The following INSC variants were observed in gnomAD, a reference collection of about 807,000 sequenced individuals.
The protein encoded by INSC is protein inscuteable homolog.
Under a neutral mutation model 58.6 loss-of-function variants are expected in INSC, and 67 were observed. That is an observed-to-expected ratio of 1.14 (90% CI 0.94 to 1.40). The LOEUF (loss-of-function observed/expected upper bound fraction) is 1.40, where lower values mean the gene tolerates loss of function less well. Among genes scored for constraint, INSC ranks in the 40% most tolerant of loss-of-function variants. The probability of loss-of-function intolerance (pLI) is 0.00; values close to 1 mark genes in which losing one functional copy is unlikely to be tolerated. For missense variants in INSC, 714 were observed against 692.0 expected (o/e 1.03, Z -0.36); for synonymous variants, 262 against 276.1 (o/e 0.95, Z 0.51).
At chr11:15,243,224 C>G (rs1005079547) in intron 12 of INSC, among the ~76,000 whole-genome samples, 2 of 152,130 alleles carry the variant, frequency 1.3e-5, no homozygotes, top group Non-Finnish European at 2.9e-5. Flanking sequence ...TGGTGAGATT[C>G]ACTTGGAGCC....
intron 2 of INSC, among the ~76,000 whole-genome samples, chr11:15,166,412 A>C (rs984881587): frequency 6.6e-6 from 1 of 152,164 alleles, no homozygotes; most frequent in Non-Finnish European, 1.5e-5. Context: ...CTTTATTATC[A>C]TACTTTTTGT....
At position 15,149,181 on chromosome 11, in the gene INSC, G is replaced by A; in HGVS notation, c.7G>A (p.Ala3Thr). The A allele has an allele frequency of 1.2e-6, 2 of 1,611,010 alleles. No individual in the cohort carries two copies. The highest frequency in any genetic ancestry group is 1.7e-6 in the Non-Finnish European group (2 of 1,178,738). The change falls in exon 2 of 13, where the codon GCA (alanine) becomes ACA (threonine). Residue 3 changes from alanine (A) to threonine (T), a missense_variant. Ala to Thr is a moderately conservative substitution (Grantham distance 58, BLOSUM62 0). Transcript: ENST00000379556. ...GCTGCAGATTGGGATCAACATGATG[G>A]CACTGCCTGGAGGTCGCCACCTGGA... Reference protein sequence around the residue: MMALPGGRHLDSV... With the variant: MMTLPGGRHLDSV...
chr11:15,112,421 AG>A (rs756397905), upstream of INSC: 101 of 1,481,894 alleles, frequency 6.8e-5, no homozygotes, highest in Admixed American at 2.0e-5. Context: ...AGCTGTTCAC[AG>A]GGGCCTCTGT....
intron 11 of INSC, among the ~76,000 whole-genome samples, chr11:15,239,615 T>C (rs926599857): frequency 7.2e-5 from 11 of 152,182 alleles, no homozygotes; most frequent in African/African-American, 2.7e-4. Context: ...ACACTGGATA[T>C]GACATTGTCC....
intron 7 of INSC, among the ~76,000 whole-genome samples, chr11:15,211,982 A>T (rs945710660): frequency 1.3e-5 from 2 of 152,046 alleles, no homozygotes; most frequent in African/African-American, 4.8e-5. Context: ...CTTTAAGATT[A>T]TCTTGGTAAT....
At chr11:15,266,623 GTTGTAGTTGTACCCAAGA>G in the INSC span, among the ~76,000 whole-genome samples, 14 of 152,014 alleles carry the variant, frequency 9.2e-5, no homozygotes, top group East Asian at 1.7e-3. Flanking sequence ...TTTGGTAGAA[GTTGTAGTTGTACCCAAGA>G]TTGTAGTTGT....
At position 15,164,119 on chromosome 11, in the gene INSC, G is replaced by T. The variant is rs532209466; in HGVS notation, c.57-11622G>T. 2.9e-3 allele frequency among the ~76,000 whole-genome samples: 417 copies of T among 145,362 alleles called. 2 individuals carry two copies. The highest frequency in any genetic ancestry group is 8.9e-3 in the African/African-American group (357 of 39,978). On this transcript the variant is annotated intron_variant, in intron 2 of 12. Coordinates refer to ENST00000379556, the MANE Select transcript of INSC (RefSeq NM_001042536.3). ...AAAATTTTAAGCTTATTTTGTTATAGTCTTATCTGTTTTAAGAGTACATTT... is the reference window on the plus strand; with the variant it reads ...AAAATTTTAAGCTTATTTTGTTATATTCTTATCTGTTTTAAGAGTACATTT...
At chr11:15,158,130 A>G (rs990225883) in intron 2 of INSC, among the ~76,000 whole-genome samples, 1 of 151,908 alleles carries the variant, frequency 6.6e-6, no homozygotes, top group African/African-American at 2.4e-5. Flanking sequence ...TTTTATAACT[A>G]TCATTTCCCA....
chr11:15,221,475 A>G lies in INSC; in HGVS notation c.820-2A>G, dbSNP rs2133931619. 1 of 1,604,178 alleles carries G rather than the reference A, an allele frequency of 6.2e-7. No homozygotes were observed. The highest frequency in any genetic ancestry group is 2.2e-5 in the East Asian group (1 of 44,686). ...AGGGGAGCTCCCTCTCTCCATCTGC[A>G]GGTGGATGGCGTTCTGTGCTTGGCC... On this transcript the variant is annotated splice_acceptor_variant, in intron 7 of 12. Coordinates refer to ENST00000379556, the MANE Select transcript of INSC (RefSeq NM_001042536.3). LOFTEE classifies it high-confidence loss of function.
chr11:15,176,045 T>A lies in INSC; in HGVS notation c.361T>A (p.Tyr121Asn). ...TCHARSMVSE[Y>N]SAVSRNSLKE... is the part of the protein sequence containing the mutation. ...CCATGCCCGCTCCATGGTCAGCGAG[T>A]ACAGTGCTGTCAGCAGGAACTCCTT... Residue 121 changes from tyrosine to asparagine, a missense_variant, in exon 3 of 13, where the codon TAC (tyrosine) becomes AAC (asparagine). Physicochemically the swap from Tyr to Asn is moderately radical, Grantham distance 143. Transcript: ENST00000379556. 3 of 1,559,202 alleles carry A rather than the reference T, an allele frequency of 1.9e-6. No homozygotes were observed. The highest frequency in any genetic ancestry group is 2.6e-6 in the Non-Finnish European group (3 of 1,146,196).
chr11:15,113,626 T>C (rs1207239077), upstream of INSC, among the ~76,000 whole-genome samples: 3 of 152,154 alleles, frequency 2.0e-5, no homozygotes, highest in African/African-American at 7.2e-5. Context: ...GAGGCCCCTC[T>C]CAGGGAACTT....
chr11:15,259,309 G>A, the INSC span, among the ~76,000 whole-genome samples: 12 of 152,102 alleles, frequency 7.9e-5, no homozygotes, highest in African/African-American at 2.9e-4. Context: ...AATAGCTGGA[G>A]TTTGTTTGAC....
intron 1 of INSC, among the ~76,000 whole-genome samples, chr11:15,115,533 A>G (rs534341343): frequency 5.3e-5 from 8 of 151,946 alleles, no homozygotes; most frequent in African/African-American, 9.6e-5. Flanking sequence ...TTGGAGAAGG[A>G]CAGAAGCTCA....
the INSC span, among the ~76,000 whole-genome samples, chr11:15,255,839 G>C: frequency 6.6e-6 from 1 of 151,792 alleles, no homozygotes; most frequent in Non-Finnish European, 1.5e-5. Context: ...TTTTATAAAG[G>C]GGTCTATAAA....
chr11:15,192,349 C>T (rs1850211047), intron 6 of INSC, among the ~76,000 whole-genome samples: 1 of 152,146 alleles, frequency 6.6e-6, no homozygotes, highest in African/African-American at 2.4e-5. Flanking sequence ...CTCTTTTTGC[C>T]ACTTGGAAAA....
At chr11:15,209,448 G>C (rs1039054751) in intron 7 of INSC, among the ~76,000 whole-genome samples, 4 of 152,164 alleles carry the variant, frequency 2.6e-5, no homozygotes, top group African/African-American at 7.2e-5. Context: ...CCCAATGAGA[G>C]TTTCACCTCC....
At chr11:15,264,989 C>T in the INSC span, among the ~76,000 whole-genome samples, 1 of 152,132 alleles carries the variant, frequency 6.6e-6, no homozygotes, top group African/African-American at 2.4e-5. Flanking sequence ...CACAAAACAA[C>T]TCTCACTAAA....
intron 5 of INSC, among the ~76,000 whole-genome samples, chr11:15,180,334 A>C (rs1300372478): frequency 6.6e-6 from 1 of 152,104 alleles, no homozygotes; most frequent in Admixed American, 6.5e-5. Flanking sequence ...CTGTGAGTGA[A>C]AGCCAGCTGG....
chr11:15,191,413 C>T (rs1850172780), intron 6 of INSC, among the ~76,000 whole-genome samples: 2 of 152,260 alleles, frequency 1.3e-5, no homozygotes, highest in East Asian at 1.9e-4. Flanking sequence ...CTTTCTCCAT[C>T]TCCACACATC....
Sources: gnomAD v4.1 joint callset for allele counts (sites outside exome capture counted in the v4.1 genomes callset) on GRCh38, gnomAD v4.1.1 for gene constraint, MANE v1.5 for transcripts, NCBI Gene and HGNC (gene_info 2026-07-23, HGNC 2026-07-21) for gene names.